Variants in DNAJC3 observed in about 807,000 individuals in gnomAD.
The protein encoded by DNAJC3 is dnaJ homolog subfamily C member 3.
DNAJC3 carries 38 observed loss-of-function variants against 68.6 expected under a neutral mutation model. The observed-to-expected ratio is 0.55, with a 90% CI of 0.43 to 0.73. The LOEUF is 0.73. Among genes scored for constraint, DNAJC3 ranks in the 30% least tolerant of loss-of-function variants. The pLI is 0.00. For missense variants in DNAJC3, 526 were observed against 591.9 expected, an observed-to-expected ratio of 0.89 and a Z score of 1.16; for synonymous variants, 203 against 204.0, an observed-to-expected ratio of 1.00 and a Z score of 0.04.
intron 1 of DNAJC3, among the ~76,000 whole-genome samples, chr13:95,704,595 C>T (rs978210310): frequency 6.6e-6 from 1 of 152,160 alleles, no homozygotes; most frequent in African/African-American, 2.4e-5. Context: ...GTAATACATT[C>T]TGTGAGTCTA....
intron 1 of DNAJC3, among the ~76,000 whole-genome samples, chr13:95,684,161 T>A (rs1880006323): frequency 6.6e-6 from 1 of 152,094 alleles, no homozygotes; most frequent in Non-Finnish European, 1.5e-5. Context: ...TAGAGACTTG[T>A]TGAATGGTTG....
chr13:95,754,036 C>T (rs1882573982), intron 4 of DNAJC3, among the ~76,000 whole-genome samples: 1 of 152,176 alleles, frequency 6.6e-6, no homozygotes, highest in Non-Finnish European at 1.5e-5. Context: ...TGCTAGATAA[C>T]ACATTATCCA....
Position 95,760,036 on chromosome 13 carries a change from C to T in DNAJC3, c.547-4C>T. 1 of 1,573,316 alleles carries T rather than the reference C, an allele frequency of 6.4e-7. No homozygotes were observed. Among genetic ancestry groups the T allele is most frequent in the Non-Finnish European group, 8.6e-7 (1 of 1,160,016 alleles). On this transcript the variant is annotated splice_polypyrimidine_tract_variant and splice_region_variant and intron_variant, in intron 5 of 11. Coordinates refer to ENST00000602402, the MANE Select transcript of DNAJC3 (RefSeq NM_006260.5). The stretch of plus-strand genomic sequence containing the variant: ...CTTAAAGTCTAGTTCTTTTGTTCCT[C>T]AAGGTTTGTGTTTGGGATGCAGAAC...
chr13:95,733,703 C>CTTTTTT (rs146677839), intron 4 of DNAJC3, among the ~76,000 whole-genome samples: 3 of 102,960 alleles, frequency 2.9e-5, no homozygotes, highest in South Asian at 3.3e-4. Flanking sequence ...CCTGGCCTGT[C>CTTTTTT]TTTTTTTTTT....
chr13:95,780,453 C>G (rs1883418634), intron 9 of DNAJC3, among the ~76,000 whole-genome samples: 1 of 152,182 alleles, frequency 6.6e-6, no homozygotes, highest in Non-Finnish European at 1.5e-5. Flanking sequence ...TAAGCGCATA[C>G]TCATAGAAGG....
intron 4 of DNAJC3, among the ~76,000 whole-genome samples, chr13:95,732,617 T>C (rs1195418274): frequency 6.6e-6 from 1 of 152,102 alleles, no homozygotes; most frequent in East Asian, 1.9e-4. Context: ...TATCTTTTCG[T>C]AAAACCGACT....
chr13:95,770,759 C>T (rs1359848975), intron 9 of DNAJC3, among the ~76,000 whole-genome samples: 1 of 152,182 alleles, frequency 6.6e-6, no homozygotes, highest in Non-Finnish European at 1.5e-5. Flanking sequence ...GTTCAGCCCT[C>T]TTTACTGAGC....
At chr13:95,783,326 CA>C (rs1442926102) in intron 9 of DNAJC3, among the ~76,000 whole-genome samples, 1 of 152,102 alleles carries the variant, frequency 6.6e-6, no homozygotes, top group African/African-American at 2.4e-5. Context: ...AATTTTAATA[CA>C]AATACGATAC....
At chr13:95,739,377 C>T (rs1275600174) in intron 4 of DNAJC3, among the ~76,000 whole-genome samples, 2 of 151,124 alleles carry the variant, frequency 1.3e-5, no homozygotes, top group Admixed American at 6.6e-5. Context: ...GCCTGCCTTG[C>T]TAGATTGGGG....
intron 5 of DNAJC3, among the ~76,000 whole-genome samples, chr13:95,758,108 A>G (rs1336930556): frequency 6.6e-6 from 1 of 152,208 alleles, no homozygotes; most frequent in Non-Finnish European, 1.5e-5. Flanking sequence ...TAAAAGATGA[A>G]AAAGATGGTT....
chr13:95,703,822 A>G (rs952475662), intron 1 of DNAJC3, among the ~76,000 whole-genome samples: 2 of 144,442 alleles, frequency 1.4e-5, no homozygotes, highest in East Asian at 2.0e-4. Context: ...AATTTCAGTT[A>G]CTCTGGCTTT....
chr13:95,787,943 C>T (rs763468360), intron 11 of DNAJC3, among the ~76,000 whole-genome samples: 2 of 152,184 alleles, frequency 1.3e-5, no homozygotes, highest in South Asian at 4.2e-4. Flanking sequence ...TTTTTTGTGG[C>T]CTTCCATGTC....
intron 2 of DNAJC3, among the ~76,000 whole-genome samples, chr13:95,713,726 G>C (rs1413968719): frequency 6.6e-6 from 1 of 152,230 alleles, no homozygotes; most frequent in Non-Finnish European, 1.5e-5. Flanking sequence ...TTTGGTCTGT[G>C]AGAAGCATAC....
intron 1 of DNAJC3, among the ~76,000 whole-genome samples, chr13:95,705,952 A>C (rs1198453427): frequency 6.6e-6 from 1 of 152,150 alleles, no homozygotes; most frequent in Non-Finnish European, 1.5e-5. Flanking sequence ...CAACCTTCCT[A>C]TCTCTCTAAA....
At chr13:95,768,903 A>G (rs1047739321) in intron 9 of DNAJC3, among the ~76,000 whole-genome samples, 2 of 152,112 alleles carry the variant, frequency 1.3e-5, no homozygotes, top group Non-Finnish European at 2.9e-5. Context: ...TGAACTCAGG[A>G]AGCAGAACTT....
chr13:95,753,368 A>G (rs777200774), intron 4 of DNAJC3, among the ~76,000 whole-genome samples: 8 of 152,038 alleles, frequency 5.3e-5, no homozygotes, highest in Non-Finnish European at 1.0e-4. Context: ...TTATTTTTAT[A>G]TAGTTCTTTT....
chr13:95,691,948 G>T (rs1218758374), intron 1 of DNAJC3, among the ~76,000 whole-genome samples: 1 of 152,208 alleles, frequency 6.6e-6, no homozygotes, highest in Non-Finnish European at 1.5e-5. Context: ...GCAGGCACTG[G>T]GCAGGTTGAG....
At chr13:95,722,657 T>TG (rs1039837973) in intron 2 of DNAJC3, among the ~76,000 whole-genome samples, 1 of 150,714 alleles carries the variant, frequency 6.6e-6, no homozygotes, top group Non-Finnish European at 1.5e-5. Flanking sequence ...ATACGCCTGT[T>TG]GTCTCAGCTT....
chr13:95,759,907 T>C (rs1037630781), intron 5 of DNAJC3, 133 bp from the exon 6 acceptor site: 1 of 814,178 alleles, frequency 1.2e-6, no homozygotes. Context: ...AAATAATATT[T>C]GCACTATATA....
Sources: allele counts gnomAD v4.1 joint callset (sites outside exome capture counted in the v4.1 genomes callset), GRCh38; gene constraint gnomAD v4.1.1; transcripts MANE v1.5; gene names NCBI Gene and HGNC (gene_info 2026-07-23, HGNC 2026-07-21).